The following LYN variants were observed in gnomAD, a reference collection of about 807,000 sequenced individuals.
LYN encodes tyrosine-protein kinase Lyn.
A neutral mutation model predicts 65.0 loss-of-function variants in LYN; 12 were observed. That is an observed-to-expected ratio of 0.18 (90% CI 0.12 to 0.30). The LOEUF is 0.30. LYN is among the 10% of genes least tolerant of loss of function. The pLI is 1.00. For missense variants in LYN, 380 were observed against 623.2 expected, an observed-to-expected ratio of 0.61 and a Z score of 4.16; for synonymous variants, 222 against 221.2, an observed-to-expected ratio of 1.00 and a Z score of -0.03.
chr8:55,962,633 T>A (rs1034079416), intron 8 of LYN, among the ~76,000 whole-genome samples: 14 of 152,258 alleles, frequency 9.2e-5, no homozygotes, highest in African/African-American at 3.1e-4. Context: ...TTTATTCATC[T>A]TCATGCCATA....
chr8:55,966,116 C>T (rs535068747), intron 8 of LYN, among the ~76,000 whole-genome samples: 248 of 152,060 alleles, frequency 1.6e-3, no homozygotes, highest in Non-Finnish European at 2.9e-3. Flanking sequence ...CAGAGCAAGA[C>T]GTAGTCTAAA....
chr8:55,957,899 G>T (rs1277509236), intron 8 of LYN, among the ~76,000 whole-genome samples: 5 of 152,194 alleles, frequency 3.3e-5, no homozygotes, highest in African/African-American at 1.2e-4. Flanking sequence ...AGTGAGCTGA[G>T]ATTGCGCCGC....
chr8:55,995,882 G>A (rs1016284710), intron 10 of LYN, among the ~76,000 whole-genome samples: 2 of 152,188 alleles, frequency 1.3e-5, no homozygotes, highest in African/African-American at 4.8e-5. Context: ...CTTTGAGACT[G>A]ATGTAGGCCA....
Position 55,880,065 on chromosome 8 carries a change from C to T in LYN, c.-44C>T, listed in dbSNP as rs1804604854. On this transcript the variant is annotated 5_prime_UTR_variant, in exon 1 of 13. Coordinates refer to ENST00000519728, the MANE Select transcript of LYN (RefSeq NM_002350.4). ...GCCCCCCACTCTGAACTCAAGTCAC[C>T]GTGGAGCTCCGCCGCCCCGAAACTT... The T allele has an allele frequency of 3.2e-6, 1 of 316,716 alleles. No homozygotes were observed. The highest frequency in any genetic ancestry group is 1.6e-4 in the East Asian group (1 of 6,428). 19.6% of individuals were successfully genotyped at this position (316,716 alleles called of 1,614,324 possible).
chr8:55,909,030 CACACACACACACACACACACA>C lies in LYN; in HGVS notation c.-6+28928_-6+28948del, dbSNP rs1563504888. ...ATATATACACACACACACACACACA[CACACACACACACACACACACA>C]CCCCACATTTTCTTTACTTTTATTT... On this transcript the variant is annotated intron_variant, in intron 1 of 12. Transcript: ENST00000519728. Among the ~76,000 whole-genome samples, 86 of 48,550 alleles carry C rather than the reference CACACACACACACACACACACA, an allele frequency of 1.8e-3. 16 individuals carry two copies. In the South Asian group the frequency reaches 0.037, roughly 21 times the overall value. The allele number at this position is 48,550 out of a possible 152,430, so 31.9% of individuals were successfully genotyped here.
intron 1 of LYN, among the ~76,000 whole-genome samples, chr8:55,894,665 T>C (rs1805042111): frequency 6.6e-6 from 1 of 152,048 alleles, no homozygotes; most frequent in Non-Finnish European, 1.5e-5. Context: ...CCTGTGTAGC[T>C]ATTATTACAG....
chr8:55,966,402 C>T (rs1807460495), intron 8 of LYN, among the ~76,000 whole-genome samples: 1 of 150,720 alleles, frequency 6.6e-6, no homozygotes, highest in East Asian at 2.0e-4. Context: ...GAGTCGCACT[C>T]TGTCACCCAG....
intron 1 of LYN, among the ~76,000 whole-genome samples, chr8:55,922,802 A>G (rs886085546): frequency 2.6e-5 from 4 of 152,148 alleles, no homozygotes; most frequent in Non-Finnish European, 4.4e-5. Context: ...AAGTAACATG[A>G]AAATAGAATT....
chr8:55,886,280 G>A (rs1487255884), intron 1 of LYN, among the ~76,000 whole-genome samples: 5 of 136,220 alleles, frequency 3.7e-5, no homozygotes, highest in Admixed American at 8.4e-5. Context: ...TCGCTCTGTC[G>A]CCCAGGCTGT....
At chr8:55,997,975 T>A (rs1403772118) in intron 10 of LYN, among the ~76,000 whole-genome samples, 2 of 152,060 alleles carry the variant, frequency 1.3e-5, no homozygotes, top group Non-Finnish European at 2.9e-5. Context: ...TCCCAGCTAC[T>A]CGGGAGGCTG....
intron 8 of LYN, among the ~76,000 whole-genome samples, chr8:55,958,372 T>A (rs1286233276): frequency 2.6e-5 from 4 of 152,368 alleles, no homozygotes; most frequent in Middle Eastern, 3.4e-3. Context: ...GATTGTTTTA[T>A]ACAAATTTTT....
At chr8:55,950,920 TAACA>T (rs1806924157) in intron 6 of LYN, 136 bp downstream of exon 6, 1 of 649,676 alleles carries the variant, frequency 1.5e-6, no homozygotes. Flanking sequence ...TGATAACAAA[TAACA>T]AACCTCAGTG....
chr8:55,946,127 C>T (rs1014211865), intron 2 of LYN, among the ~76,000 whole-genome samples: 12 of 152,202 alleles, frequency 7.9e-5, no homozygotes, highest in African/African-American at 2.9e-4. Context: ...ACTCATTGAG[C>T]TGGGCAAACT....
chr8:55,931,565 T>C (rs2130452458), intron 1 of LYN, among the ~76,000 whole-genome samples: 1 of 152,186 alleles, frequency 6.6e-6, no homozygotes, highest in South Asian at 2.1e-4. Flanking sequence ...TAGTTTAGCC[T>C]ATTTCTTTTC....
intron 10 of LYN, among the ~76,000 whole-genome samples, chr8:55,990,983 A>T (rs1808230130): frequency 6.6e-6 from 1 of 152,196 alleles, no homozygotes; most frequent in Non-Finnish European, 1.5e-5. Flanking sequence ...GTGTGTGCCT[A>T]TTTAAGGGTG....
In LYN at chr8:55,990,239, CAAAAAAAAAAAAAA is replaced by C. The variant is rs34461698; in HGVS notation, c.1051-8096_1051-8083del. The stretch of plus-strand genomic sequence containing the variant: ...GGGTGATAGAGTGAGACTCTGCCTC[CAAAAAAAAAAAAAA>C]AAAAAAAAAAGTCCTGATTGGCCAT... On this transcript the variant is annotated intron_variant, in intron 10 of 12. Transcript: ENST00000519728. 3.2e-3 allele frequency among the ~76,000 whole-genome samples: 144 copies of C among 45,420 alleles called. 1 individual carries two copies. Among genetic ancestry groups the C allele is most frequent in the Non-Finnish European group, 4.4e-3 (112 of 25,172 alleles). The allele number at this position is 45,420 out of a possible 152,430, so 29.8% of individuals were successfully genotyped here.
chr8:56,006,003 G>A (rs73590374), intron 12 of LYN, among the ~76,000 whole-genome samples: 5,761 of 152,046 alleles, frequency 0.038, 150 homozygotes, highest in African/African-American at 0.08. Context: ...GAGGATCACC[G>A]AGCCCAGGGA....
intron 1 of LYN, among the ~76,000 whole-genome samples, chr8:55,892,618 T>C (rs1804989163): frequency 6.6e-6 from 1 of 152,020 alleles, no homozygotes; most frequent in South Asian, 2.1e-4. Flanking sequence ...TCATAGTTCA[T>C]TGCAGCCTTG....
chr8:55,981,073 T>G (rs1218113505), intron 10 of LYN, among the ~76,000 whole-genome samples: 1 of 151,886 alleles, frequency 6.6e-6, no homozygotes. Context: ...CCAACACCTG[T>G]GCATGTGACT....
Sources: allele counts gnomAD v4.1 joint callset (sites outside exome capture counted in the v4.1 genomes callset), GRCh38; gene constraint gnomAD v4.1.1; transcripts MANE v1.5; gene names NCBI Gene and HGNC (gene_info 2026-07-23, HGNC 2026-07-21).